The following PITPNM2 variants were observed in gnomAD, a reference collection of about 807,000 sequenced individuals.
The protein encoded by PITPNM2 is membrane-associated phosphatidylinositol transfer protein 2.
PITPNM2 carries 35 observed loss-of-function variants against 132.2 expected under a neutral mutation model. The ratio of observed to expected loss-of-function variants is 0.26; its 90% CI spans 0.20 to 0.35. PITPNM2 has a LOEUF of 0.35. PITPNM2 is among the 10% of genes least tolerant of loss of function. The probability of loss-of-function intolerance (pLI) is 1.00; values close to 1 mark genes in which losing one functional copy is unlikely to be tolerated. For synonymous variants in PITPNM2, 738 were observed against 799.2 expected (o/e 0.92, Z 1.29); for missense variants, 1,332 against 1,912.0 (o/e 0.70, Z 5.66).
intron 1 of PITPNM2, among the ~76,000 whole-genome samples, chr12:123,121,925 G>A (rs529280732): frequency 7.0e-4 from 106 of 152,134 alleles, no homozygotes; most frequent in Admixed American, 2.2e-3. Flanking sequence ...CATGATCTTG[G>A]CTCACTGCAA....
Position 123,115,331 on chromosome 12 carries a change from A to T in PITPNM2, c.-199-4843T>A, listed in dbSNP as rs147191565. 3.5e-4 allele frequency among the ~76,000 whole-genome samples: 54 copies of T among 152,348 alleles called. No homozygotes were observed. In the East Asian group the frequency reaches 9.1e-3, roughly 26 times the overall value. On this transcript the variant is annotated intron_variant, in intron 1 of 25. Transcript: ENST00000320201. ...AGCAGGGAAACCCTCAGAGACGTTC[A>T]AAGTGGAGAGACCTCCAGTGAAGGT...
At position 122,985,948 on chromosome 12, in the gene PITPNM2, G is replaced by A. The variant is rs2037911063; in HGVS notation, c.*79C>T. 3.9e-6 allele frequency: 5 copies of A among 1,269,996 alleles called. No homozygotes were observed. In the South Asian group the frequency reaches 5.7e-5, roughly 15 times the overall value. 78.7% of individuals were successfully genotyped at this position (1,269,996 alleles called of 1,614,324 possible). On this transcript the variant is annotated 3_prime_UTR_variant, in exon 26 of 26. Transcript: ENST00000320201. ...ATCTCCCAGGCCCACGTCAGTGCGT[G>A]TGCCCAGGCCAGGCCTCCTGGCGGG... is the stretch of plus-strand genomic sequence containing the variant.
In PITPNM2 at chr12:123,034,666, AC is replaced by A. The variant is rs1308509393; in HGVS notation, c.-77del. On this transcript the variant is annotated 5_prime_UTR_variant, in exon 3 of 26. Transcript: ENST00000320201. ...AGGCAAGGTTCCTTAAATAACCATGACAAAATTCACCAAGGACCCCTGGGAG... is the reference window on the plus strand; with the variant it reads ...AGGCAAGGTTCCTTAAATAACCATGAAAAATTCACCAAGGACCCCTGGGAG... 4 of 1,292,494 alleles carry A rather than the reference AC, an allele frequency of 3.1e-6. No homozygotes were observed. The African/African-American group carries it at 5.8e-5, about 19-fold the overall frequency. The allele number at this position is 1,292,494 out of a possible 1,614,324, so 80.1% of individuals were successfully genotyped here.
chr12:123,133,236 T>G (rs966732704), intron 1 of PITPNM2, among the ~76,000 whole-genome samples: 1 of 152,204 alleles, frequency 6.6e-6, no homozygotes, highest in African/African-American at 2.4e-5. Flanking sequence ...ACCTGAAATT[T>G]TAGAGGCAGG....
rs148992078 is a variant in PITPNM2, at chr12:123,008,034, C to G, written c.643+1816G>C. On this transcript the variant is annotated intron_variant, in intron 6 of 25. Coordinates refer to ENST00000320201, the MANE Select transcript of PITPNM2 (RefSeq NM_020845.3). This position sits in a 1 kb window ranked among gnomAD's most constrained non-coding sequence, Gnocchi z 4.1. The stretch of plus-strand genomic sequence containing the variant: ...CCCACGGTCTCGGCCCACAACAGTC[C>G]GATAGGATCGGTGTCATTACACCCA... Among the ~76,000 whole-genome samples, 1 of 152,192 alleles carries G rather than the reference C, an allele frequency of 6.6e-6. No individual in the cohort carries two copies. Among genetic ancestry groups the G allele is most frequent in the Non-Finnish European group, 1.5e-5 (1 of 68,040 alleles).
chr12:123,011,979 C>T (rs1006118533), intron 5 of PITPNM2, among the ~76,000 whole-genome samples: 5 of 152,228 alleles, frequency 3.3e-5, no homozygotes, highest in East Asian at 3.8e-4. Context: ...ACCCCCAACC[C>T]GCATGCCCTG....
intron 1 of PITPNM2, among the ~76,000 whole-genome samples, chr12:123,144,455 C>CA (rs1250875744): frequency 6.6e-6 from 1 of 152,118 alleles, no homozygotes. Flanking sequence ...TGTTTTGAGA[C>CA]AGAGTCTCAC....
rs914054768 is a variant in PITPNM2, at chr12:123,111,100, C to T, written c.-199-612G>A. 5.9e-5 allele frequency among the ~76,000 whole-genome samples: 9 copies of T among 152,154 alleles called. No homozygotes were observed. The highest frequency in any genetic ancestry group is 1.7e-4 in the African/African-American group (7 of 41,418). Reference sequence around the variant, plus strand: ...GTGGAGAAATGGATTTCCAAAGAGTCGCAGGTCCAACAGCCTCAGAGATGA... The same window carrying T: ...GTGGAGAAATGGATTTCCAAAGAGTTGCAGGTCCAACAGCCTCAGAGATGA... On this transcript the variant is annotated intron_variant, in intron 1 of 25. Transcript: ENST00000320201. The surrounding 1 kb of genome is among the most constrained non-coding windows in gnomAD (Gnocchi z 4.1).
chr12:123,007,021 C>T (rs951950204), intron 6 of PITPNM2, among the ~76,000 whole-genome samples: 3 of 152,292 alleles, frequency 2.0e-5, no homozygotes, highest in East Asian at 1.9e-4. Context: ...AACACACCAT[C>T]GCCGGCGACA....
intron 2 of PITPNM2, among the ~76,000 whole-genome samples, chr12:123,098,634 C>G (rs1199714614): frequency 6.6e-6 from 1 of 152,112 alleles, no homozygotes; most frequent in African/African-American, 2.4e-5. Context: ...TTGCTTGAGC[C>G]CAGGAGTTCA....
intron 1 of PITPNM2, among the ~76,000 whole-genome samples, chr12:123,131,097 T>C (rs549919102): frequency 6.6e-6 from 1 of 152,350 alleles, no homozygotes; most frequent in South Asian, 2.1e-4. Context: ...GGAGATTATA[T>C]GGGTTGAAGA....
intron 1 of PITPNM2, among the ~76,000 whole-genome samples, chr12:123,145,865 A>C (rs1053396195): frequency 6.6e-6 from 1 of 152,238 alleles, no homozygotes; most frequent in Non-Finnish European, 1.5e-5. Context: ...TGTTCATTGC[A>C]GCACTATTCA....
At chr12:122,988,991 A>C in intron 18 of PITPNM2, 119 bp from the exon 19 acceptor site, 2 of 1,158,476 alleles carry the variant, frequency 1.7e-6, no homozygotes, top group Non-Finnish European at 2.3e-6. Flanking sequence ...GCTATAGCCA[A>C]AAGTGAGTCT....
At chr12:123,047,852 G>A (rs957669949) in intron 2 of PITPNM2, among the ~76,000 whole-genome samples, 2 of 152,008 alleles carry the variant, frequency 1.3e-5, no homozygotes, top group African/African-American at 2.4e-5. Flanking sequence ...TGTAATCCCA[G>A]TACTTTGGGA....
Position 122,992,542 on chromosome 12 carries a change from G to A in PITPNM2, c.2361C>T (p.Arg787=). The change falls in exon 16 of 26, where the codon CGC becomes CGT. Residue 787 remains arginine, a synonymous_variant. Coordinates refer to ENST00000320201, the MANE Select transcript of PITPNM2 (RefSeq NM_020845.3). The surrounding 1 kb of genome is among the most constrained non-coding windows in gnomAD (Gnocchi z 6.5). ...FHALPPFSVP[R]YQRYPLGDGC... is the part of the protein sequence containing the mutation. ...CATCCCCCAGCGGGTAGCGTTGGTAGCGGGGGACGCTGAAAGGCGGCAGGG... is the reference window on the plus strand; with the variant it reads ...CATCCCCCAGCGGGTAGCGTTGGTAACGGGGGACGCTGAAAGGCGGCAGGG... 4 of 1,611,508 alleles carry A rather than the reference G, an allele frequency of 2.5e-6. No individual in the cohort carries two copies. The highest frequency in any genetic ancestry group is 3.4e-6 in the Non-Finnish European group (4 of 1,179,572).
chr12:123,091,273 C>A (rs1047421675), intron 2 of PITPNM2: 4 of 152,226 alleles, frequency 2.6e-5, no homozygotes, highest in Non-Finnish European at 5.9e-5. Flanking sequence ...GCTGCAGGTG[C>A]CACCTCATGG....
At chr12:123,138,165 C>T (rs180855711) in intron 1 of PITPNM2, among the ~76,000 whole-genome samples, 32 of 152,176 alleles carry the variant, frequency 2.1e-4, no homozygotes, top group African/African-American at 6.5e-4. Context: ...AAAGAAAAGA[C>T]GGCCGGTGCA....
chr12:123,109,585 G>A (rs960544450), intron 2 of PITPNM2, among the ~76,000 whole-genome samples: 3 of 152,200 alleles, frequency 2.0e-5, no homozygotes, highest in Non-Finnish European at 2.9e-5. Context: ...CATGACTTGC[G>A]GGCAGCTGAG....
chr12:123,032,548 T>G (rs1473083094), intron 3 of PITPNM2, among the ~76,000 whole-genome samples: 1 of 151,994 alleles, frequency 6.6e-6, no homozygotes, highest in South Asian at 2.1e-4. Flanking sequence ...CCAGAGGTGA[T>G]TCTATGCTCC....
Sources: gnomAD v4.1 joint callset for allele counts (sites outside exome capture counted in the v4.1 genomes callset) on GRCh38, gnomAD v4.1.1 for gene constraint, Gnocchi (gnomAD v3.1) non-coding constraint, MANE v1.5 for transcripts, NCBI Gene and HGNC (gene_info 2026-07-23, HGNC 2026-07-21) for gene names.